Variants in DST observed in about 807,000 individuals in gnomAD.
The protein encoded by DST is dystonin, also known as bullous pemphigoid antigen.
Under a neutral mutation model 875.2 loss-of-function variants are expected in DST, and 253 were observed. The observed-to-expected ratio is 0.29, with a 90% CI of 0.26 to 0.32. The LOEUF is 0.32. Among genes scored for constraint, DST ranks in the 10% least tolerant of loss-of-function variants. The pLI is 1.00. For synonymous variants in DST, 3,124 were observed against 3,197.1 expected, an observed-to-expected ratio of 0.98 and a Z score of 0.77; for missense variants, 8,287 against 9,111.6, an observed-to-expected ratio of 0.91 and a Z score of 3.68.
At chr6:56,516,509 TG>T (rs2096598399) in intron 71 of DST, among the ~76,000 whole-genome samples, 2 of 152,198 alleles carry the variant, frequency 1.3e-5, no homozygotes, top group South Asian at 4.1e-4. Flanking sequence ...ATTTTATCTG[TG>T]GTCTACCTTA....
At chr6:56,505,943 C>G (rs140998642) in intron 77 of DST, among the ~76,000 whole-genome samples, 1 of 152,232 alleles carries the variant, frequency 6.6e-6, no homozygotes, top group Non-Finnish European at 1.5e-5. Flanking sequence ...ACTTTTTACA[C>G]ACCAGATTAT....
At chr6:56,909,365 C>T (rs974036245) in intron 2 of DST, among the ~76,000 whole-genome samples, 3 of 152,128 alleles carry the variant, frequency 2.0e-5, no homozygotes, top group African/African-American at 7.2e-5. Context: ...TAAGCCATTT[C>T]TGGACCTAGC....
At chr6:56,747,904 G>GT (rs11460641) in intron 4 of DST, among the ~76,000 whole-genome samples, 3,004 of 152,062 alleles carry the variant, frequency 0.02, 93 homozygotes, top group African/African-American at 0.068. Context: ...AAACAGAACA[G>GT]TTTTCACTTT....
intron 10 of DST, among the ~76,000 whole-genome samples, chr6:56,666,387 A>T (rs2099072391): frequency 6.6e-6 from 1 of 152,216 alleles, no homozygotes; most frequent in Non-Finnish European, 1.5e-5. Context: ...CAAAAATCTT[A>T]CTAAGTCACC....
chr6:56,533,124 T>C (rs1248770909), intron 63 of DST, among the ~76,000 whole-genome samples: 1 of 152,164 alleles, frequency 6.6e-6, no homozygotes, highest in Non-Finnish European at 1.5e-5. Flanking sequence ...GAAGAGAGGG[T>C]AGAAGATGTC....
intron 3 of DST, among the ~76,000 whole-genome samples, chr6:56,897,801 G>A (rs1208833326): frequency 6.6e-6 from 1 of 152,084 alleles, no homozygotes; most frequent in African/African-American, 2.4e-5. Flanking sequence ...ACCACTGAGA[G>A]CACGAGCTAA....
At chr6:56,775,443 T>C (rs953873023) in intron 4 of DST, among the ~76,000 whole-genome samples, 1 of 152,198 alleles carries the variant, frequency 6.6e-6, no homozygotes, top group African/African-American at 2.4e-5. Flanking sequence ...CTAACTAAAA[T>C]AGGTCTAAAG....
chr6:56,661,427 T>C (rs928735846), intron 10 of DST, among the ~76,000 whole-genome samples: 2 of 152,130 alleles, frequency 1.3e-5, no homozygotes, highest in Non-Finnish European at 2.9e-5. Context: ...AAGGAGAGTT[T>C]TGATCAAAAC....
Position 56,578,923 on chromosome 6 carries a change from C to T in DST, c.12918G>A (p.Gln4306=). ...QLEETKALQG[Q]ISSQQVAVEK... The stretch of plus-strand genomic sequence containing the variant: ...CTACAGCAACCTGCTGACTTGATAT[C>T]TGTCCTTGCAAAGCCTGTAGGATTA... The change falls in exon 50 of 104, where the codon CAG becomes CAA. Residue 4306 remains glutamine, a synonymous_variant. Coordinates refer to ENST00000680361, the MANE Select transcript of DST (RefSeq NM_001374736.1). 6.3e-7 allele frequency: 1 copy of T among 1,597,556 alleles called. No individual in the cohort carries two copies. Among genetic ancestry groups the T allele is most frequent in the Non-Finnish European group, 8.5e-7 (1 of 1,171,170 alleles).
At chr6:56,510,342 C>A (rs1395815726) in intron 73 of DST, among the ~76,000 whole-genome samples, 1 of 151,988 alleles carries the variant, frequency 6.6e-6, no homozygotes, top group East Asian at 1.9e-4. Flanking sequence ...ATGTGAAATT[C>A]ATGGGAAGTT....
Position 56,494,061 on chromosome 6 carries a change from A to G in DST, c.20343T>C (p.Asn6781=). 1 of 1,606,698 alleles carries G rather than the reference A, an allele frequency of 6.2e-7. No individual in the cohort carries two copies. Among genetic ancestry groups the G allele is most frequent in the Non-Finnish European group, 8.5e-7 (1 of 1,176,332 alleles). ...SAETNIDQDI[N]NLKEKWESVE... ...CCGATTCCCATTTTTCTTTCAAGTTATTTATGTCTTGGTCAATATTTGTCT... is the reference window on the plus strand; with the variant it reads ...CCGATTCCCATTTTTCTTTCAAGTTGTTTATGTCTTGGTCAATATTTGTCT... Residue 6781 remains asparagine (N), a synonymous_variant, in exon 83 of 104, where the codon AAT becomes AAC. Coordinates refer to ENST00000680361, the MANE Select transcript of DST (RefSeq NM_001374736.1).
chr6:56,472,727 C>T (rs1367610758), intron 93 of DST, among the ~76,000 whole-genome samples: 1 of 152,186 alleles, frequency 6.6e-6, no homozygotes, highest in African/African-American at 2.4e-5. Flanking sequence ...AATATGGCAG[C>T]ATGTGTATGG....
intron 90 of DST, among the ~76,000 whole-genome samples, chr6:56,480,182 T>C (rs1009855278): frequency 1.3e-5 from 2 of 152,242 alleles, no homozygotes; most frequent in African/African-American, 4.8e-5. Context: ...AACGTTCAAT[T>C]GACAGCACAC....
chr6:56,663,406 T>C (rs1049097526), intron 10 of DST, among the ~76,000 whole-genome samples: 1 of 152,264 alleles, frequency 6.6e-6, no homozygotes, highest in Non-Finnish European at 1.5e-5. Context: ...AGGCTCTGTG[T>C]GTGTCTGGCT....
intron 55 of DST, among the ~76,000 whole-genome samples, chr6:56,565,561 T>C (rs2152573361): frequency 6.6e-6 from 1 of 152,306 alleles, no homozygotes; most frequent in East Asian, 1.9e-4. Context: ...ACTACCTCAA[T>C]TTCAGAACTT....
At chr6:56,788,772 C>T (rs147569967) in intron 4 of DST, among the ~76,000 whole-genome samples, 64 of 152,296 alleles carry the variant, frequency 4.2e-4, no homozygotes, top group African/African-American at 1.5e-3. Flanking sequence ...TTAATGAATT[C>T]TCCAGTACTG....
chr6:56,697,991 T>G (rs189736767), intron 9 of DST, among the ~76,000 whole-genome samples: 1 of 152,306 alleles, frequency 6.6e-6, no homozygotes, highest in Admixed American at 6.5e-5. Flanking sequence ...TATCTTTGAT[T>G]CCAGTAATGC....
At position 56,843,239 on chromosome 6, in the gene DST, C is replaced by G. The variant is rs536082013; in HGVS notation, c.625+8158G>C. The G allele has an allele frequency of 7.7e-5, 102 of 1,318,920 alleles. 1 individual carries two copies. In the Admixed American group the frequency reaches 2.6e-3, roughly 34 times the overall value. The allele number at this position is 1,318,920 out of a possible 1,614,324, so 81.7% of individuals were successfully genotyped here. A position where few individuals can be genotyped will look rare whatever the true frequency, so the allele number is the denominator to read the frequency against. The stretch of plus-strand genomic sequence containing the variant: ...AGTCAGCAAGACACAGCCTTGGGAA[C>G]TGGAAAAGAGGAAGGAGCAGCACGC... On this transcript the variant is annotated intron_variant, in intron 4 of 103. Coordinates refer to ENST00000680361, the MANE Select transcript of DST (RefSeq NM_001374736.1).
In DST at chr6:56,592,042, C is replaced by T. The variant is rs1421456290; in HGVS notation, c.12903+140G>A. 4.3e-6 allele frequency: 3 copies of T among 704,046 alleles called. No homozygotes were observed. In the East Asian group the frequency reaches 9.2e-5, roughly 22 times the overall value. 43.6% of individuals were successfully genotyped at this position (704,046 alleles called of 1,614,324 possible). On this transcript the variant is annotated intron_variant, in intron 49 of 103. Coordinates refer to ENST00000680361, the MANE Select transcript of DST (RefSeq NM_001374736.1). ...AGAATGTACTGTGGAGAAATAGAGT[C>T]AAAACTACCTCTGGAGGCAGAAGTA...
Sources: allele counts gnomAD v4.1 joint callset (sites outside exome capture counted in the v4.1 genomes callset), GRCh38; gene constraint gnomAD v4.1.1; transcripts MANE v1.5; gene names NCBI Gene and HGNC (gene_info 2026-07-23, HGNC 2026-07-21).